Variants in PTPRT observed in about 807,000 individuals in gnomAD.
PTPRT encodes the protein protein tyrosine phosphatase receptor type T.
In PTPRT, 56 loss-of-function variants were observed where a neutral mutation model predicts 176.8. The observed-to-expected ratio is 0.32, with a 90% confidence interval of 0.26 to 0.40. The LOEUF is 0.40. PTPRT is among the 10% of genes least tolerant of loss of function. PTPRT has a pLI of 1.00. For synonymous variants in PTPRT, 783 were observed against 739.0 expected (o/e 1.06, Z -0.96); for missense variants, 1,540 against 1,908.2 (o/e 0.81, Z 3.60).
At chr20:42,139,340 T>C (rs1421386594) in intron 18 of PTPRT, among the ~76,000 whole-genome samples, 1 of 152,146 alleles carries the variant, frequency 6.6e-6, no homozygotes, top group African/African-American at 2.4e-5. Flanking sequence ...CTGTCTCCAT[T>C]TGGGTTCCTC....
chr20:42,958,289 GGGA>G, intron 1 of PTPRT, among the ~76,000 whole-genome samples: 1 of 69,366 alleles, frequency 1.4e-5, no homozygotes, highest in African/African-American at 6.2e-5. Flanking sequence ...AGGAGGGAAG[GGGA>G]GAGGAGGGGA....
chr20:43,163,652 AC>A lies in PTPRT; in HGVS notation c.88+25993del, dbSNP rs1462917697. Among the ~76,000 whole-genome samples, 79 of 148,234 alleles carry A rather than the reference AC, an allele frequency of 5.3e-4. No homozygotes were observed. The South Asian group carries it at 0.013, about 24-fold the overall frequency. ...GACTCCTTCTCAAAAACAAAACAAA[AC>A]AAAAAAAAAAACAGGCTGTATGTGG... On this transcript the variant is annotated intron_variant, in intron 1 of 30. Coordinates refer to ENST00000373187, the MANE Select transcript of PTPRT (RefSeq NM_007050.6).
intron 12 of PTPRT, among the ~76,000 whole-genome samples, chr20:42,298,475 T>C (rs2057418120): frequency 6.6e-6 from 1 of 152,206 alleles, no homozygotes; most frequent in South Asian, 2.1e-4. Flanking sequence ...AATCCTACAA[T>C]TCCTCTTCTA....
chr20:42,452,998 T>C (rs1036555716), intron 8 of PTPRT, among the ~76,000 whole-genome samples: 1 of 152,226 alleles, frequency 6.6e-6, no homozygotes, highest in Non-Finnish European at 1.5e-5. Context: ...TTTTATATTC[T>C]AGTGTATGTT....
chr20:42,815,159 G>A (rs893599528), intron 2 of PTPRT, among the ~76,000 whole-genome samples: 1 of 152,156 alleles, frequency 6.6e-6, no homozygotes, highest in Non-Finnish European at 1.5e-5. Flanking sequence ...GAAAGGCTTA[G>A]TCCTGAATTC....
At chr20:42,037,116 A>G in the PTPRT span, among the ~76,000 whole-genome samples, 6 of 152,320 alleles carry the variant, frequency 3.9e-5, no homozygotes, top group Admixed American at 1.3e-4. Context: ...ACATGGATCA[A>G]TTGTTACTAC....
chr20:43,028,142 A>G (rs986612295), intron 1 of PTPRT, among the ~76,000 whole-genome samples: 2 of 152,150 alleles, frequency 1.3e-5, no homozygotes, highest in Non-Finnish European at 2.9e-5. Context: ...TTGTTCTTAT[A>G]CCACCCATTT....
intron 11 of PTPRT, among the ~76,000 whole-genome samples, chr20:42,331,345 G>A (rs945378228): frequency 3.9e-5 from 6 of 151,984 alleles, no homozygotes; most frequent in Non-Finnish European, 8.8e-5. Flanking sequence ...TCAGTAGGGC[G>A]CCTGGATGTC....
intron 1 of PTPRT, among the ~76,000 whole-genome samples, chr20:43,117,871 T>A (rs2013116559): frequency 6.6e-6 from 1 of 152,166 alleles, no homozygotes; most frequent in East Asian, 1.9e-4. Context: ...AAGATTGGTG[T>A]GTCAATCAAA....
chr20:42,900,239 C>T (rs1400528990), intron 1 of PTPRT, among the ~76,000 whole-genome samples: 1 of 152,072 alleles, frequency 6.6e-6, no homozygotes, highest in Non-Finnish European at 1.5e-5. Context: ...TTGGCTCAAG[C>T]TAAGTTATAT....
At chr20:42,447,072 G>A (rs2070746894) in intron 9 of PTPRT, among the ~76,000 whole-genome samples, 1 of 152,120 alleles carries the variant, frequency 6.6e-6, no homozygotes. Context: ...TTAATCTTGA[G>A]TACTTTTCCT....
rs117907745 is a variant in PTPRT at position 42,513,776 on chromosome 20, C to A, written c.1154-41214G>T. 9.2e-3 allele frequency among the ~76,000 whole-genome samples: 1,407 copies of A among 152,140 alleles called. 6 individuals carry two copies. The highest frequency in any genetic ancestry group is 0.016 in the Non-Finnish European group (1,076 of 68,002). On this transcript the variant is annotated intron_variant, in intron 7 of 30. Transcript: ENST00000373187. ...TACATTTCTTTACCCCAAGAAACAC[C>A]CATTTTTCTGAATTTGGGGTTAGTC...
At chr20:42,750,443 AAATAC>A (rs1016436335) in intron 6 of PTPRT, among the ~76,000 whole-genome samples, 11 of 152,170 alleles carry the variant, frequency 7.2e-5, no homozygotes, top group African/African-American at 2.4e-4. Flanking sequence ...CGCCCAGAGT[AAATAC>A]ATGATTTGCT....
intron 1 of PTPRT, among the ~76,000 whole-genome samples, chr20:43,021,088 T>C (rs188435077): frequency 1.2e-4 from 19 of 152,298 alleles, no homozygotes; most frequent in African/African-American, 4.6e-4. Context: ...AAGATGGATA[T>C]ATTAAATTAT....
At chr20:42,561,119 A>C (rs886467933) in intron 7 of PTPRT, among the ~76,000 whole-genome samples, 5 of 152,224 alleles carry the variant, frequency 3.3e-5, no homozygotes, top group African/African-American at 9.6e-5. Context: ...CCTTTGCTAC[A>C]TTTAAGGACT....
chr20:42,462,119 G>A (rs2071031470), intron 8 of PTPRT, among the ~76,000 whole-genome samples: 1 of 152,074 alleles, frequency 6.6e-6, no homozygotes, highest in Admixed American at 6.6e-5. Flanking sequence ...AAATATGTGG[G>A]CAACATGTGG....
intron 1 of PTPRT, among the ~76,000 whole-genome samples, chr20:42,956,426 TGTGAGACACCTGCTCCTACTCTAGC>T (rs1981642284): frequency 7.8e-6 from 1 of 128,036 alleles, no homozygotes; most frequent in African/African-American, 4.0e-5. Flanking sequence ...ACTCTAGCCG[TGTGAGACACCTGCTCCTACTCTAGC>T]CGTGTGAGAC....
chr20:42,404,246 C>T (rs1046892525), intron 9 of PTPRT, among the ~76,000 whole-genome samples: 23 of 152,222 alleles, frequency 1.5e-4, no homozygotes, highest in Non-Finnish European at 1.2e-4. Flanking sequence ...TCATGAGATC[C>T]TGTGTGGAAT....
chr20:42,980,186 T>C (rs796451767), intron 1 of PTPRT, among the ~76,000 whole-genome samples: 18 of 152,068 alleles, frequency 1.2e-4, no homozygotes, highest in African/African-American at 4.3e-4. Flanking sequence ...TAGCTGCCAG[T>C]GAGCCTTTAA....
Sources: allele counts gnomAD v4.1 joint callset (sites outside exome capture counted in the v4.1 genomes callset), GRCh38; gene constraint gnomAD v4.1.1; transcripts MANE v1.5; gene names NCBI Gene and HGNC (gene_info 2026-07-23, HGNC 2026-07-21).